Variants in CKM observed in about 807,000 individuals in gnomAD.
CKM encodes the protein creatine kinase M-type.
A neutral mutation model predicts 35.4 loss-of-function variants in CKM; 28 were observed. The observed-to-expected ratio is 0.79, with a 90% CI of 0.59 to 1.08. CKM has a LOEUF of 1.08. Among genes scored for constraint, CKM ranks in the 50% least tolerant of loss-of-function variants. The probability of loss-of-function intolerance (pLI) is 0.00; values close to 1 mark genes in which losing one functional copy is unlikely to be tolerated. For synonymous variants in CKM, 215 were observed against 204.4 expected (o/e 1.05, Z -0.44); for missense variants, 484 against 509.8 (o/e 0.95, Z 0.49).
chr19:45,311,752 A>T lies in CKM; in HGVS notation c.650T>A (p.Ile217Asn), dbSNP rs373872310. 399 of 1,578,706 alleles carry T rather than the reference A, an allele frequency of 2.5e-4. No individual in the cohort carries two copies. Among genetic ancestry groups the T allele is most frequent in the Non-Finnish European group, 3.1e-4 (359 of 1,163,638 alleles). Residue 217 changes from isoleucine (I) to asparagine (N), a missense_variant, in exon 5 of 8, where the codon ATC becomes AAC. Physicochemically the swap from Ile to Asn is moderately radical, Grantham distance 149. Coordinates refer to ENST00000221476, the MANE Select transcript of CKM (RefSeq NM_001824.5). Reference protein sequence around the residue: ...MARDWPDARGIWHNDNKSFLV... With the variant: ...MARDWPDARGNWHNDNKSFLV... ...AGGGGGCGGGGAGGGGCCTCACCAG[A>T]TGCCACGGGCGTCGGGCCAGTCGCG...
At chr19:45,308,649 G>A in intron 5 of CKM, 117 bp from the exon 6 acceptor site, 1 of 1,328,286 alleles carries the variant, frequency 7.5e-7, no homozygotes, top group Non-Finnish European at 1.1e-6. Context: ...GGGGTGGGAG[G>A]TGGGTGGCAT....
Position 45,317,856 on chromosome 19 carries a change from T to C in CKM, c.317A>G (p.His106Arg). 6.2e-7 allele frequency: 1 copy of C among 1,613,996 alleles called. No individual in the cohort carries two copies. The highest frequency in any genetic ancestry group is 8.5e-7 in the Non-Finnish European group (1 of 1,180,018). Residue 106 changes from histidine (H) to arginine (R), a missense_variant, in exon 3 of 8, where the codon CAC (histidine) becomes CGC (arginine). By Grantham distance (29) the His-to-Arg change is conservative. Coordinates refer to ENST00000221476, the MANE Select transcript of CKM (RefSeq NM_001824.5). ...GTTTTCATGGTTGAGGTCAGTCTTG[T>C]GCTTGTCAGTGGGTTTGTAGCCCCC... ...RHGGYKPTDK[H>R]KTDLNHENLK... is the part of the protein sequence containing the mutation.
intron 4 of CKM, 72 bp downstream of exon 4, chr19:45,315,393 C>T (rs1971147049): frequency 9.0e-6 from 14 of 1,554,000 alleles, no homozygotes; most frequent in African/African-American, 1.4e-5. Context: ...CAAAGAGACC[C>T]GAGGACCTGC....
In CKM at chr19:45,317,915, C is replaced by G; in HGVS notation, c.258G>C (p.Lys86Asn). The change falls in exon 3 of 8, where the codon AAG becomes AAC. Residue 86 changes from lysine to asparagine, a missense_variant. Coordinates refer to ENST00000221476, the MANE Select transcript of CKM (RefSeq NM_001824.5). The stretch of plus-strand genomic sequence containing the variant: ...CCGAGATGATGGGGTCAAAGAGTTC[C>G]TTGAAAACTTCGTAGGACTCCTCAT... Reference protein sequence around the residue: ...AGDEESYEVFKELFDPIISDR... With the variant: ...AGDEESYEVFNELFDPIISDR... The G allele has an allele frequency of 6.2e-7, 1 of 1,613,874 alleles. No individual in the cohort carries two copies. The highest frequency in any genetic ancestry group is 1.6e-4 in the Middle Eastern group (1 of 6,062).
At chr19:45,310,916 G>A (rs898120624) in intron 5 of CKM, among the ~76,000 whole-genome samples, 9 of 148,010 alleles carry the variant, frequency 6.1e-5, no homozygotes, top group South Asian at 2.1e-4. Context: ...GACTACAGGC[G>A]CCTGCCACGA....
Position 45,307,645 on chromosome 19 carries a change from C to G in CKM, c.783G>C (p.Glu261Asp), listed in dbSNP as rs771408722. Reference protein sequence around the residue: ...RRFCVGLQKIEEIFKKAGHPF... With the variant: ...RRFCVGLQKIDEIFKKAGHPF... Reference sequence around the variant, plus strand: ...GGTGGCCAGCTTTCTTAAAGATCTCCTCAATCTGAGGTTCAGAGAGAGGAC... The same window carrying G: ...GGTGGCCAGCTTTCTTAAAGATCTCGTCAATCTGAGGTTCAGAGAGAGGAC... The change falls in exon 7 of 8, where the codon GAG becomes GAC. Residue 261 changes from glutamate to aspartate, a missense_variant. Transcript: ENST00000221476. The G allele has an allele frequency of 6.2e-7, 1 of 1,613,772 alleles. No individual in the cohort carries two copies. The highest frequency in any genetic ancestry group is 8.5e-7 in the Non-Finnish European group (1 of 1,179,980).
At chr19:45,322,222 C>T (rs10410448) in intron 1 of CKM, among the ~76,000 whole-genome samples, 9 of 150,948 alleles carry the variant, frequency 6.0e-5, no homozygotes, top group South Asian at 2.1e-4. Context: ...TGACCCCCCC[C>T]ACAAGAGACA....
At chr19:45,319,781 T>G in intron 1 of CKM, 50 bp from the exon 2 acceptor site, 1 of 1,421,334 alleles carries the variant, frequency 7.0e-7, no homozygotes, top group East Asian at 2.3e-5. Flanking sequence ...GGCATCTTTT[T>G]TCTTCTTCTT....
At chr19:45,317,695 C>G (rs1239791843) in intron 3 of CKM, 130 bp downstream of exon 3, 3 of 1,074,492 alleles carry the variant, frequency 2.8e-6, no homozygotes, top group Non-Finnish European at 4.2e-6. Flanking sequence ...GTCCCTCTCT[C>G]TTTCCATCTC....
At chr19:45,322,202 G>A (rs1047192559) in intron 1 of CKM, among the ~76,000 whole-genome samples, 1 of 151,610 alleles carries the variant, frequency 6.6e-6, no homozygotes, top group African/African-American at 2.4e-5. Flanking sequence ...AGGGCACTGA[G>A]GCAGGGTGGT....
chr19:45,311,183 G>A (rs890829637), intron 5 of CKM, among the ~76,000 whole-genome samples: 2 of 151,122 alleles, frequency 1.3e-5, no homozygotes, highest in African/African-American at 2.4e-5. Flanking sequence ...CTCCCAAAGT[G>A]CTGGGATTAC....
intron 4 of CKM, among the ~76,000 whole-genome samples, chr19:45,312,890 G>T (rs1220457234): frequency 6.6e-6 from 1 of 150,596 alleles, no homozygotes; most frequent in Non-Finnish European, 1.5e-5. Flanking sequence ...AGAGGTGGAG[G>T]TTGCAGTGAG....
Position 45,317,894 on chromosome 19 carries a change from G to T in CKM, c.279C>A (p.Ile93=). 6.2e-7 allele frequency: 1 copy of T among 1,614,044 alleles called. No individual in the cohort carries two copies. Among genetic ancestry groups the T allele is most frequent in the South Asian group, 1.1e-5 (1 of 91,074 alleles). Residue 93 remains isoleucine, a synonymous_variant, in exon 3 of 8, where the codon ATC becomes ATA. Transcript: ENST00000221476. The stretch of plus-strand genomic sequence containing the variant: ...GTTTGTAGCCCCCGTGGCGATCCGA[G>T]ATGATGGGGTCAAAGAGTTCCTTGA... ...EVFKELFDPI[I]SDRHGGYKPT... is the part of the protein sequence containing the mutation.
chr19:45,314,000 G>A (rs1471208397), intron 4 of CKM, among the ~76,000 whole-genome samples: 1 of 151,650 alleles, frequency 6.6e-6, no homozygotes, highest in Non-Finnish European at 1.5e-5. Flanking sequence ...CATTCCAGCT[G>A]GGCAACAGAA....
chr19:45,317,452 T>A (rs1971169282), intron 3 of CKM, among the ~76,000 whole-genome samples: 1 of 151,924 alleles, frequency 6.6e-6, no homozygotes, highest in South Asian at 2.1e-4. Flanking sequence ...CACACCCAGC[T>A]AATTCTGTAT....
At chr19:45,311,599 CA>C (rs1971110122) in intron 5 of CKM, 149 bp downstream of exon 5, 1 of 684,364 alleles carries the variant, frequency 1.5e-6, no homozygotes, top group Admixed American at 2.6e-5. Context: ...ACAGGATGGG[CA>C]GGGGCGGAGG....
At chr19:45,310,658 A>G (rs1437957496) in intron 5 of CKM, among the ~76,000 whole-genome samples, 1 of 150,470 alleles carries the variant, frequency 6.6e-6, no homozygotes, top group Non-Finnish European at 1.5e-5. Flanking sequence ...GCTGGAGTGC[A>G]GTACCTCGGT....
chr19:45,314,878 AT>A (rs917032679), intron 4 of CKM, among the ~76,000 whole-genome samples: 1 of 151,684 alleles, frequency 6.6e-6, no homozygotes, highest in Non-Finnish European at 1.5e-5. Flanking sequence ...CTCCTGGCTC[AT>A]TTTTGTCTTT....
chr19:45,310,609 G>A lies in CKM; in HGVS notation c.653+1140C>T, dbSNP rs570609343. On this transcript the variant is annotated intron_variant, in intron 5 of 7. Coordinates refer to ENST00000221476, the MANE Select transcript of CKM (RefSeq NM_001824.5). ...TAGAGCTGGGATTTGAACCTAGGGA[G>A]TACGGTTCAAGTCTGAGTTCTTATT... 5.3e-4 allele frequency among the ~76,000 whole-genome samples: 80 copies of A among 152,110 alleles called. 1 individual carries two copies. Among genetic ancestry groups the A allele is most frequent in the African/African-American group, 1.8e-3 (76 of 41,468 alleles).
Sources: gnomAD v4.1 joint callset for allele counts (sites outside exome capture counted in the v4.1 genomes callset) on GRCh38, gnomAD v4.1.1 for gene constraint, MANE v1.5 for transcripts, NCBI Gene and HGNC (gene_info 2026-07-23, HGNC 2026-07-21) for gene names.